The following EXD3 variants were observed in gnomAD, a reference collection of about 807,000 sequenced individuals.
The protein encoded by EXD3 is exonuclease 3'-5' domain containing 3.
Under a neutral mutation model 98.0 loss-of-function variants are expected in EXD3, and 92 were observed. That is an observed-to-expected ratio of 0.94 (90% CI 0.79 to 1.12). The LOEUF (loss-of-function observed/expected upper bound fraction) is 1.12, where lower values mean the gene tolerates loss of function less well. EXD3 is among the 50% of genes most tolerant of loss of function. The pLI is 0.00. For synonymous variants in EXD3, 569 were observed against 526.0 expected (o/e 1.08, Z -1.12); for missense variants, 1,222 against 1,191.6 (o/e 1.03, Z -0.38).
chr9:137,372,571 G>A (rs571837492), intron 5 of EXD3, among the ~76,000 whole-genome samples: 25 of 152,342 alleles, frequency 1.6e-4, no homozygotes, highest in African/African-American at 4.6e-4. Context: ...ATGGTGGGGC[G>A]TGGCTGGACC....
chr9:137,341,376 G>A (rs1264855457), intron 17 of EXD3, among the ~76,000 whole-genome samples: 1 of 152,206 alleles, frequency 6.6e-6, no homozygotes, highest in African/African-American at 2.4e-5. Context: ...ATCCTGAGGT[G>A]ATTCAGTGTT....
chr9:137,351,363 G>T lies in EXD3; in HGVS notation c.1339C>A (p.Arg447=). The T allele has an allele frequency of 6.2e-7, 1 of 1,611,912 alleles. No individual in the cohort carries two copies. ...TCCGAGAGGAGCTGGGCCACCAGCC[G>T]GGAAAAGGCCTGGGCTCCCTGCCCT... ...PTGQGAQAFS[R]LVAQLLSDPS... Residue 447 remains arginine, a synonymous_variant, in exon 13 of 22, where the codon CGG becomes AGG. Coordinates refer to ENST00000340951, the MANE Select transcript of EXD3 (RefSeq NM_017820.5).
intron 1 of EXD3, among the ~76,000 whole-genome samples, chr9:137,408,932 C>G (rs893064377): frequency 6.6e-6 from 1 of 152,216 alleles, no homozygotes; most frequent in African/African-American, 2.4e-5. Context: ...TGAACTTGTA[C>G]AAGGCCCCGA....
Position 137,374,667 on chromosome 9 carries a change from C to T in EXD3, c.121-1068G>A, listed in dbSNP as rs921860315. 2.9e-5 allele frequency: 29 copies of T among 985,458 alleles called. No homozygotes were observed. In the Admixed American group the frequency reaches 3.1e-4, roughly 10 times the overall value. 61.0% of individuals were successfully genotyped at this position (985,458 alleles called of 1,614,324 possible). The stretch of plus-strand genomic sequence containing the variant: ...CAGGAGGGTGCCATGCCCAAAGGCG[C>T]GGGAGGCAAGGCTGCAAAGTCCAGA... On this transcript the variant is annotated intron_variant, in intron 3 of 21. Transcript: ENST00000340951.
chr9:137,321,285 T>C (rs1452328084), intron 19 of EXD3, among the ~76,000 whole-genome samples: 1 of 152,118 alleles, frequency 6.6e-6, no homozygotes, highest in Non-Finnish European at 1.5e-5. Context: ...GGGGTGGAGC[T>C]GAGCTCAGGG....
At chr9:137,378,684 G>A (rs1012767505) in intron 3 of EXD3, among the ~76,000 whole-genome samples, 1 of 152,242 alleles carries the variant, frequency 6.6e-6, no homozygotes, top group African/African-American at 2.4e-5. Context: ...GGAGGAAGCT[G>A]ACACAGACAT....
chr9:137,373,217 G>T, intron 4 of EXD3, 145 bp from the exon 5 acceptor site: 2 of 1,152,954 alleles, frequency 1.7e-6, no homozygotes, highest in South Asian at 1.5e-5. Flanking sequence ...CTGGGGCACG[G>T]GAGGGGCGAG....
At chr9:137,335,303 G>T (rs1165912898) in intron 17 of EXD3, among the ~76,000 whole-genome samples, 2 of 151,950 alleles carry the variant, frequency 1.3e-5, no homozygotes, top group Non-Finnish European at 2.9e-5. Context: ...GTGAAAAATC[G>T]CTCAACCTCA....
At chr9:137,376,458 G>A (rs756896251) in intron 3 of EXD3, among the ~76,000 whole-genome samples, 8 of 150,966 alleles carry the variant, frequency 5.3e-5, no homozygotes, top group Non-Finnish European at 1.0e-4. Context: ...GCTCAGAGCA[G>A]AACTCGCCTG....
chr9:137,344,199 C>T (rs1833808305), intron 17 of EXD3, among the ~76,000 whole-genome samples: 1 of 152,034 alleles, frequency 6.6e-6, no homozygotes, highest in African/African-American at 2.4e-5. Context: ...CCTGTATCCT[C>T]TTTACTACTG....
At chr9:137,404,435 A>G (rs1837622486) in intron 1 of EXD3, among the ~76,000 whole-genome samples, 1 of 152,244 alleles carries the variant, frequency 6.6e-6, no homozygotes, top group Non-Finnish European at 1.5e-5. Context: ...GTCTCGTCCC[A>G]GTCTCCTCAC....
At position 137,405,462 on chromosome 9, in the gene EXD3, C is replaced by T. The variant is rs983337313; in HGVS notation, c.-47-10058G>A. Among the ~76,000 whole-genome samples, 5 of 152,222 alleles carry T rather than the reference C, an allele frequency of 3.3e-5. No homozygotes were observed. The highest frequency in any genetic ancestry group is 2.0e-4 in the Admixed American group (3 of 15,286). ...GCAGAGCCGCGGACGGAGCCCAGGGCGGCCGTCGCAGGCCACTCACCCGTC... is the reference window on the plus strand; with the variant it reads ...GCAGAGCCGCGGACGGAGCCCAGGGTGGCCGTCGCAGGCCACTCACCCGTC... On this transcript the variant is annotated intron_variant, in intron 1 of 21. Transcript: ENST00000340951. The surrounding 1 kb of genome is among the most constrained non-coding windows in gnomAD (Gnocchi z 4.1).
intron 19 of EXD3, among the ~76,000 whole-genome samples, chr9:137,313,221 G>A (rs1245824442): frequency 2.0e-5 from 3 of 152,206 alleles, no homozygotes; most frequent in African/African-American, 7.2e-5. Flanking sequence ...GTGTCCTGGG[G>A]TGTAGGGCAG....
chr9:137,390,432 C>CA lies in EXD3; in HGVS notation c.55+4870dup, dbSNP rs1375595606. On this transcript the variant is annotated intron_variant, in intron 2 of 21. Coordinates refer to ENST00000340951, the MANE Select transcript of EXD3 (RefSeq NM_017820.5). ...GGGCGACAGAGCAAGATTCTGTTGC[C>CA]AAAAAAAAAAAAAAGTAAATAAATA... Among the ~76,000 whole-genome samples, 155 of 128,322 alleles carry CA rather than the reference C, an allele frequency of 1.2e-3. 2 individuals carry two copies. The highest frequency in any genetic ancestry group is 2.3e-3 in the African/African-American group (81 of 34,522). The allele number at this position is 128,322 out of a possible 152,430, so 84.2% of individuals were successfully genotyped here.
chr9:137,356,366 C>A lies in EXD3; in HGVS notation c.659G>T (p.Arg220Leu), dbSNP rs7389423. The change falls in exon 8 of 22, where the codon CGG (arginine) becomes CTG (leucine). Residue 220 changes from arginine (R) to leucine (L), a missense_variant and splice_region_variant. Physicochemically the swap from Arg to Leu is moderately radical, Grantham distance 102. Coordinates refer to ENST00000340951, the MANE Select transcript of EXD3 (RefSeq NM_017820.5). ...GCTCAAGGAGGTCACCTCAGGGTAC[C>A]GTCTGTGGGGAGAGAGAGGCACAGC... is the stretch of plus-strand genomic sequence containing the variant. ...PGFDIKDVAR[R>L]YPEVTSLSLE... The A allele has an allele frequency of 6.3e-7, 1 of 1,590,890 alleles. No individual in the cohort carries two copies. The highest frequency in any genetic ancestry group is 1.3e-5 in the African/African-American group (1 of 74,514).
Position 137,356,337 on chromosome 9 carries a change from C to T in EXD3, c.688G>A (p.Glu230Lys). 5 of 1,604,466 alleles carry T rather than the reference C, an allele frequency of 3.1e-6. No homozygotes were observed. In the South Asian group the frequency reaches 4.5e-5, roughly 14 times the overall value. The change falls in exon 8 of 22, where the codon GAG (glutamate) becomes AAG (lysine). Residue 230 changes from glutamate to lysine, a missense_variant. Physicochemically the swap from Glu to Lys is moderately conservative, Grantham distance 56. Coordinates refer to ENST00000340951, the MANE Select transcript of EXD3 (RefSeq NM_017820.5). ...RYPEVTSLSL[E>K]KLSPKALSRQ... Reference sequence around the variant, plus strand: ...CTCAGCGCCTTCGGACTCAGCTTCTCCAGGCTCAAGGAGGTCACCTCAGGG... The same window carrying T: ...CTCAGCGCCTTCGGACTCAGCTTCTTCAGGCTCAAGGAGGTCACCTCAGGG...
intron 3 of EXD3, chr9:137,374,783 C>T (rs538063475): frequency 1.5e-4 from 150 of 985,466 alleles, no homozygotes; most frequent in African/African-American, 5.2e-4. Context: ...AAAGGAAAGC[C>T]GCCCTTAAAC....
rs141183059 is a variant in EXD3 at position 137,405,410 on chromosome 9, G to T, written c.-47-10006C>A. Among the ~76,000 whole-genome samples, 1 of 152,236 alleles carries T rather than the reference G, an allele frequency of 6.6e-6. No individual in the cohort carries two copies. The highest frequency in any genetic ancestry group is 1.5e-5 in the Non-Finnish European group (1 of 68,030). On this transcript the variant is annotated intron_variant, in intron 1 of 21. Coordinates refer to ENST00000340951, the MANE Select transcript of EXD3 (RefSeq NM_017820.5). This position sits in a 1 kb window ranked among gnomAD's most constrained non-coding sequence, Gnocchi z 4.1. ...CCCCACACAGGTCCTGGACTCATTC[G>T]TGCTGGTGTCCGTGGCCCAAGGATT...
chr9:137,352,015 T>C, intron 12 of EXD3, 51 bp downstream of exon 12: 2 of 1,560,792 alleles, frequency 1.3e-6, no homozygotes, highest in Non-Finnish European at 1.7e-6. Flanking sequence ...CTCCAGTGCC[T>C]GGCAGGGGGA....
Sources: gnomAD v4.1 joint callset for allele counts (sites outside exome capture counted in the v4.1 genomes callset) on GRCh38, gnomAD v4.1.1 for gene constraint, Gnocchi (gnomAD v3.1) non-coding constraint, MANE v1.5 for transcripts, NCBI Gene and HGNC (gene_info 2026-07-23, HGNC 2026-07-21) for gene names.